TTN: variants seen among roughly 807,000 people sequenced by gnomAD.
TTN encodes the protein titin.
A neutral mutation model predicts 3,223.0 loss-of-function variants in TTN; 1,525 were observed. The ratio of observed to expected loss-of-function variants is 0.47; its 90% CI spans 0.45 to 0.49. The LOEUF (loss-of-function observed/expected upper bound fraction) is 0.49, where lower values mean the gene tolerates loss of function less well. Ranked by LOEUF, TTN falls within the 20% of genes least tolerant of loss-of-function variation. The pLI, the probability that TTN is intolerant of heterozygous loss-of-function variation, is 0.00. For missense variants in TTN, 40,786 were observed against 43,424.0 expected, an observed-to-expected ratio of 0.94 and a Z score of 5.40; for synonymous variants, 14,094 against 15,161.0, an observed-to-expected ratio of 0.93 and a Z score of 5.17.
chr2:178,581,889 C>G lies in TTN; in HGVS notation c.66463+17G>C, dbSNP rs202244470. On this transcript the variant is annotated intron_variant, in intron 315 of 362. Transcript: ENST00000589042. ...TGCTTTTAACACAGGATATGGAACTCGTTCATGAACACTTACACTGAGGGT... is the reference window on the plus strand; with the variant it reads ...TGCTTTTAACACAGGATATGGAACTGGTTCATGAACACTTACACTGAGGGT... The G allele has an allele frequency of 6.2e-7, 1 of 1,611,408 alleles. No homozygotes were observed. Among genetic ancestry groups the G allele is most frequent in the Admixed American group, 1.7e-5 (1 of 59,558 alleles).
rs1218145435 is a variant in TTN at position 178,557,444 on chromosome 2, T to C, written c.87818A>G (p.His29273Arg). 2 of 1,613,954 alleles carry C rather than the reference T, an allele frequency of 1.2e-6. No homozygotes were observed. The highest frequency in any genetic ancestry group is 1.1e-5 in the South Asian group (1 of 91,088). The change falls in exon 329 of 363, where the codon CAC (histidine) becomes CGC (arginine). Residue 29273 changes from histidine to arginine, a missense_variant. Transcript: ENST00000589042. ...SNGGSAVVGY[H>R]LEMKDRNSIL... is the part of the protein sequence containing the mutation. ...ACTGTTTCTGTCTTTCATTTCCAGG[T>C]GATAGCCTACGACTGCACTGCCTCC... is the stretch of plus-strand genomic sequence containing the variant.
At chr2:178,747,329 G>C in intron 47 of TTN, 1 of 1,613,292 alleles carries the variant, frequency 6.2e-7, no homozygotes, top group Non-Finnish European at 8.5e-7. Flanking sequence ...TCTTTCAACT[G>C]TCTCACCTCC....
chr2:178,570,256 T>G lies in TTN; in HGVS notation c.75876A>C (p.Glu25292Asp), dbSNP rs1707677184. Residue 25292 changes from glutamate (E) to aspartate (D), a missense_variant, in exon 326 of 363, where the codon GAA becomes GAC. Coordinates refer to ENST00000589042, the MANE Select transcript of TTN (RefSeq NM_001267550.2). ...VNKYGVGEPL[E>D]SEPVVAKNPF... is the part of the protein sequence containing the mutation. The stretch of plus-strand genomic sequence containing the variant: ...GATTCTTGGCAACTACTGGCTCAGA[T>G]TCAAGAGGTTCACCAACACCATATT... 6.2e-7 allele frequency: 1 copy of G among 1,613,392 alleles called. No homozygotes were observed.
At chr2:178,588,253 C>G in intron 304 of TTN, 34 bp from the exon 305 acceptor site, 1 of 1,492,044 alleles carries the variant, frequency 6.7e-7, no homozygotes, top group Non-Finnish European at 9.0e-7. Context: ...TTAACTACTA[C>G]TAGTGATACT....
At position 178,563,964 on chromosome 2, in the gene TTN, C is replaced by T. The variant is rs1249245369; in HGVS notation, c.82168G>A (p.Ala27390Thr). The T allele has an allele frequency of 1.2e-6, 2 of 1,613,624 alleles. No individual in the cohort carries two copies. The highest frequency in any genetic ancestry group is 2.2e-5 in the East Asian group (1 of 44,832). Residue 27390 changes from alanine (A) to threonine (T), a missense_variant, in exon 326 of 363, where the codon GCA becomes ACA. Ala to Thr is a moderately conservative substitution (Grantham distance 58). Transcript: ENST00000589042. The surrounding 1 kb of genome is among the most constrained non-coding windows in gnomAD (Gnocchi z 4.5). ...TGVTAEKCYLAWNPPLQDGGA... is the reference protein window; with the variant it reads ...TGVTAEKCYLTWNPPLQDGGA... Reference sequence around the variant, plus strand: ...CCATCTTGCAAAGGTGGGTTCCATGCCAGGTAACATTTTTCCGCAGTAACT... The same window carrying T: ...CCATCTTGCAAAGGTGGGTTCCATGTCAGGTAACATTTTTCCGCAGTAACT...
intron 43 of TTN, among the ~76,000 whole-genome samples, chr2:178,761,429 C>A (rs1380771474): frequency 6.6e-6 from 1 of 152,190 alleles, no homozygotes; most frequent in Non-Finnish European, 1.5e-5. Context: ...TATTATCCAG[C>A]CTTCTTACCC....
chr2:178,733,866 C>T lies in TTN; in HGVS notation c.15523G>A (p.Asp5175Asn). 1 of 1,601,718 alleles carries T rather than the reference C, an allele frequency of 6.2e-7. No homozygotes were observed. Among genetic ancestry groups the T allele is most frequent in the South Asian group, 1.1e-5 (1 of 89,906 alleles). Residue 5175 changes from aspartate to asparagine, a missense_variant, in exon 53 of 363, where the codon GAT becomes AAT. Physicochemically the swap from Asp to Asn is conservative, Grantham distance 23 (BLOSUM62 1). Coordinates refer to ENST00000589042, the MANE Select transcript of TTN (RefSeq NM_001267550.2). Reference protein sequence around the residue: ...KEPPTFVKKVDDLIALGGQTV... With the variant: ...KEPPTFVKKVNDLIALGGQTV... ...TGTCCTCCTAGTGCAATCAAATCAT[C>T]TACTTTCTTTACAAAGGTTGGAGGT...
rs768596884 is a variant in TTN, at chr2:178,560,680, G to A, written c.85452C>T (p.Asp28484=). 1 of 1,613,478 alleles carries A rather than the reference G, an allele frequency of 6.2e-7. No individual in the cohort carries two copies. Among genetic ancestry groups the A allele is most frequent in the African/African-American group, 1.3e-5 (1 of 74,896 alleles). The change falls in exon 326 of 363, where the codon GAC becomes GAT. Residue 28484 remains aspartate, a synonymous_variant. Transcript: ENST00000589042. ...RPQEDGGADI[D]YYIVEKRETS... ...TTTCACGTTTTTCTACGATGTAATA[G>A]TCGATATCTGCACCACCATCTTCTT...
In TTN at chr2:178,615,756, TGTGAATTCTA is replaced by T; in HGVS notation, c.48335_48344del (p.Leu16112GlnfsTer33). 1 of 1,612,020 alleles carries T rather than the reference TGTGAATTCTA, an allele frequency of 6.2e-7. No individual in the cohort carries two copies. Among genetic ancestry groups the T allele is most frequent in the Non-Finnish European group, 8.5e-7 (1 of 1,178,760 alleles). On this transcript the variant is annotated frameshift_variant, in exon 258 of 363. Coordinates refer to ENST00000589042, the MANE Select transcript of TTN (RefSeq NM_001267550.2). LOFTEE classifies it high-confidence loss of function. ...CTTTTCCTTGAACAAGATCAGGAACTGTGAATTCTAGATCAGTCACAAAGTCCATAACCTG... is the reference window on the plus strand; with the variant it reads ...CTTTTCCTTGAACAAGATCAGGAACTGATCAGTCACAAAGTCCATAACCTG...
chr2:178,696,761 GTTAA>G (rs1339131208), intron 113 of TTN, among the ~76,000 whole-genome samples: 3 of 151,968 alleles, frequency 2.0e-5, no homozygotes, highest in Non-Finnish European at 4.4e-5. Context: ...ATGTAACCAA[GTTAA>G]TTAGGTACTT....
chr2:178,777,115 A>G, intron 27 of TTN, 34 bp downstream of exon 27: 1 of 1,614,030 alleles, frequency 6.2e-7, no homozygotes, highest in Non-Finnish European at 8.5e-7. Context: ...TTGGATTTGT[A>G]TAATGAGCTT....
Position 178,768,068 on chromosome 2 carries a change from G to C in TTN, c.9251C>G (p.Pro3084Arg), listed in dbSNP as rs1033996370. 2.5e-6 allele frequency: 4 copies of C among 1,613,998 alleles called. No homozygotes were observed. Among genetic ancestry groups the C allele is most frequent in the Non-Finnish European group, 3.4e-6 (4 of 1,180,020 alleles). The change falls in exon 39 of 363, where the codon CCT (proline) becomes CGT (arginine). Residue 3084 changes from proline to arginine, a missense_variant. Coordinates refer to ENST00000589042, the MANE Select transcript of TTN (RefSeq NM_001267550.2). ...TTTCATCCACTGTACAGTGATGTCA[G>C]GTTCAGAAACTTCACATTCAAACAT... is the stretch of plus-strand genomic sequence containing the variant. Reference protein sequence around the residue: ...RAMFECEVSEPDITVQWMKDD... With the variant: ...RAMFECEVSERDITVQWMKDD...
chr2:178,737,924 T>A lies in TTN; in HGVS notation c.14371+158A>T, dbSNP rs575635243. 219 of 720,342 alleles carry A rather than the reference T, an allele frequency of 3.0e-4. No individual in the cohort carries two copies. The East Asian group carries it at 6.0e-3, about 20-fold the overall frequency. The allele number at this position is 720,342 out of a possible 1,614,324, so 44.6% of individuals were successfully genotyped here. Reference sequence around the variant, plus strand: ...TGTGACTGTAAATAATGATTTCTTATCCCATATAGGCTCTGCAGTACCTAC... The same window carrying A: ...TGTGACTGTAAATAATGATTTCTTAACCCATATAGGCTCTGCAGTACCTAC... On this transcript the variant is annotated intron_variant, in intron 49 of 362. Coordinates refer to ENST00000589042, the MANE Select transcript of TTN (RefSeq NM_001267550.2).
chr2:178,694,976 C>T, intron 115 of TTN, 70 bp from the exon 116 acceptor site: 1 of 1,131,350 alleles, frequency 8.8e-7, no homozygotes, highest in Admixed American at 2.2e-5. Flanking sequence ...CTCTATCTCT[C>T]TCTCTCTGTG....
chr2:178,534,848 C>T lies in TTN; in HGVS notation c.101767G>A (p.Val33923Ile). Residue 33923 changes from valine to isoleucine, a missense_variant, in exon 358 of 363, where the codon GTC becomes ATC. Physicochemically the swap from Val to Ile is conservative, Grantham distance 29. Transcript: ENST00000589042. Reference sequence around the variant, plus strand: ...TGTAAAAACTGAAGTGCTTCACAGACCTGGTGAACATAACTTACAATTTCT... The same window carrying T: ...TGTAAAAACTGAAGTGCTTCACAGATCTGGTGAACATAACTTACAATTTCT... ...EREIVSYVHQ[V>I]CEALQFLHSH... is the part of the protein sequence containing the mutation. The T allele has an allele frequency of 6.2e-7, 1 of 1,608,956 alleles. No homozygotes were observed. The highest frequency in any genetic ancestry group is 8.5e-7 in the Non-Finnish European group (1 of 1,179,800).
chr2:178,664,692 A>G lies in TTN; in HGVS notation c.36164T>C (p.Val12055Ala). 1 of 1,612,526 alleles carries G rather than the reference A, an allele frequency of 6.2e-7. No homozygotes were observed. Among genetic ancestry groups the G allele is most frequent in the Non-Finnish European group, 8.5e-7 (1 of 1,179,708 alleles). The change falls in exon 167 of 363, where the codon GTG becomes GCG. Residue 12055 changes from valine to alanine, a missense_variant. Transcript: ENST00000589042. ...GACTTCAGGCTTTCTGAGAGGAACC[A>G]CAAGCGTTTTCTTTTCAGGGACAAT... ...QEIVPEKKTL[V>A]VPLRKPEVLP...
Position 178,528,377 on chromosome 2 carries a change from G to C in TTN, c.107274C>G (p.Ser35758=). The change falls in exon 361 of 363, where the codon TCC becomes TCG. Residue 35758 remains serine (S), a synonymous_variant. Coordinates refer to ENST00000589042, the MANE Select transcript of TTN (RefSeq NM_001267550.2). ...VSISRSRNVY[S]LEIRNASVSD... ...TGACTGATGCATTTCGGATTTCAAG[G>C]GAGTATACATTTCTGGAGCGGCTTA... 2.5e-6 allele frequency: 4 copies of C among 1,613,908 alleles called. No homozygotes were observed. Among genetic ancestry groups the C allele is most frequent in the Non-Finnish European group, 3.4e-6 (4 of 1,179,840 alleles).
At chr2:178,774,182 G>C (rs1170326562) in intron 30 of TTN, 25 bp downstream of exon 30, 1 of 1,614,004 alleles carries the variant, frequency 6.2e-7, no homozygotes, top group South Asian at 1.1e-5. Context: ...GCTCACTGCA[G>C]GCTGACAGGA....
At position 178,621,197 on chromosome 2, in the gene TTN, C is replaced by T. The variant is rs763294408; in HGVS notation, c.45521G>A (p.Arg15174Lys). Residue 15174 changes from arginine (R) to lysine (K), a missense_variant, in exon 246 of 363, where the codon AGG (arginine) becomes AAG (lysine). By Grantham distance (26) the Arg-to-Lys change is conservative (BLOSUM62 2). Transcript: ENST00000589042. ...KYDVIADGKK[R>K]VLVVKDATLQ... ...TGTGGCATCTTTCACAACTAGGACC[C>T]TCTTTTTACCATCAGCAATAACGTC... 8 of 1,612,372 alleles carry T rather than the reference C, an allele frequency of 5.0e-6. No individual in the cohort carries two copies. Among genetic ancestry groups the T allele is most frequent in the Admixed American group, 3.3e-5 (2 of 59,808 alleles).
Sources: gnomAD v4.1 joint callset for allele counts (sites outside exome capture counted in the v4.1 genomes callset) on GRCh38, gnomAD v4.1.1 for gene constraint, Gnocchi (gnomAD v3.1) non-coding constraint, MANE v1.5 for transcripts, NCBI Gene and HGNC (gene_info 2026-07-23, HGNC 2026-07-21) for gene names.